Variants in NRXN1 observed in about 807,000 individuals in gnomAD.
The protein encoded by NRXN1 is neurexin-1.
NRXN1 carries 39 observed loss-of-function variants against 150.9 expected under a neutral mutation model. The ratio of observed to expected loss-of-function variants is 0.26; its 90% CI spans 0.20 to 0.34. The LOEUF is 0.34. Ranked by LOEUF, NRXN1 falls within the 10% of genes least tolerant of loss-of-function variation. The pLI is 1.00. For synonymous variants in NRXN1, 924 were observed against 757.0 expected (o/e 1.22, Z -3.62); for missense variants, 1,815 against 1,949.9 (o/e 0.93, Z 1.30).
chr2:50,501,346 T>A (rs1024099881), intron 13 of NRXN1, among the ~76,000 whole-genome samples: 1 of 151,058 alleles, frequency 6.6e-6, no homozygotes, highest in Non-Finnish European at 1.5e-5. Flanking sequence ...CATTCAGAGC[T>A]AAGGAGGATT....
intron 17 of NRXN1, among the ~76,000 whole-genome samples, chr2:50,440,482 G>A (rs1309219789): frequency 2.6e-5 from 4 of 151,826 alleles, no homozygotes; most frequent in East Asian, 1.9e-4. Context: ...AAGTCAAGAT[G>A]AATAATAAAT....
intron 5 of NRXN1, among the ~76,000 whole-genome samples, chr2:50,805,070 T>C (rs936250176): frequency 1.3e-5 from 2 of 152,194 alleles, no homozygotes; most frequent in Non-Finnish European, 2.9e-5. Context: ...CAGCACTTAC[T>C]GTGGGAATTA....
chr2:50,370,104 C>A (rs984039789), intron 17 of NRXN1, among the ~76,000 whole-genome samples: 2 of 152,004 alleles, frequency 1.3e-5, no homozygotes, highest in Non-Finnish European at 2.9e-5. Context: ...GTTTTCTCTG[C>A]AATTTTGTTG....
intron 5 of NRXN1, among the ~76,000 whole-genome samples, chr2:50,844,066 G>C (rs1245190581): frequency 6.6e-6 from 1 of 152,150 alleles, no homozygotes; most frequent in Non-Finnish European, 1.5e-5. Context: ...ACGCTCACCT[G>C]TCCAAACCCA....
At chr2:50,310,251 T>C (rs1014395847) in intron 17 of NRXN1, among the ~76,000 whole-genome samples, 2 of 152,200 alleles carry the variant, frequency 1.3e-5, no homozygotes, top group East Asian at 3.8e-4. Context: ...ATAAGTTAAC[T>C]GACCACTTGG....
Position 50,236,966 on chromosome 2 carries a change from C to G in NRXN1, c.3369G>C (p.Gly1123=). Residue 1123 remains glycine (G), a synonymous_variant, in exon 18 of 23, where the codon GGG becomes GGC. Coordinates refer to ENST00000401669, the MANE Select transcript of NRXN1 (RefSeq NM_001330078.2). The stretch of plus-strand genomic sequence containing the variant: ...CACCTTTGCTAAAGATATATGTCGT[C>G]CCAGCTGGAAAACAAAAACCAAAAC... ...SFSGPLCNDP[G]TTYIFSKGGG... 6.2e-7 allele frequency: 1 copy of G among 1,612,920 alleles called. No homozygotes were observed. The highest frequency in any genetic ancestry group is 8.5e-7 in the Non-Finnish European group (1 of 1,179,364).
rs530264132 is a variant in NRXN1, at chr2:50,943,871, T to A, written c.773-17916A>T. 2.6e-5 allele frequency among the ~76,000 whole-genome samples: 4 copies of A among 152,328 alleles called. No individual in the cohort carries two copies. The South Asian group carries it at 8.3e-4, about 32-fold the overall frequency. On this transcript the variant is annotated intron_variant, in intron 2 of 22. Transcript: ENST00000401669. Reference sequence around the variant, plus strand: ...GAGAGAAAATAATTTACTATAATTGTATTTCCTCATCCTAAGCAACTCCTT... The same window carrying A: ...GAGAGAAAATAATTTACTATAATTGAATTTCCTCATCCTAAGCAACTCCTT...
At chr2:50,758,880 C>G (rs950911318) in intron 5 of NRXN1, among the ~76,000 whole-genome samples, 7 of 151,922 alleles carry the variant, frequency 4.6e-5, no homozygotes, top group African/African-American at 1.4e-4. Context: ...CACGAGGATT[C>G]TTTCCAAGGC....
intron 5 of NRXN1, among the ~76,000 whole-genome samples, chr2:50,845,267 A>T (rs1469951761): frequency 1.3e-5 from 2 of 152,120 alleles, no homozygotes; most frequent in Admixed American, 6.6e-5. Context: ...AAGCCACAAA[A>T]CCATTATGAT....
At chr2:50,618,710 C>G (rs1431399495) in intron 8 of NRXN1, among the ~76,000 whole-genome samples, 1 of 151,138 alleles carries the variant, frequency 6.6e-6, no homozygotes, top group Non-Finnish European at 1.5e-5. Context: ...TGTGAGGATT[C>G]CTGTAAAGCT....
chr2:51,029,415 T>C (rs1407721133), intron 1 of NRXN1, among the ~76,000 whole-genome samples: 7 of 152,234 alleles, frequency 4.6e-5, no homozygotes, highest in Non-Finnish European at 8.8e-5. Context: ...TTGTAGTTTA[T>C]TATAACTGTT....
intron 5 of NRXN1, among the ~76,000 whole-genome samples, chr2:50,691,568 G>T (rs538135461): frequency 6.6e-6 from 1 of 152,282 alleles, no homozygotes; most frequent in East Asian, 1.9e-4. Flanking sequence ...CCATTGCAAA[G>T]ATTTGTAATG....
chr2:50,071,498 C>G (rs1278867215), intron 19 of NRXN1, among the ~76,000 whole-genome samples: 2 of 152,100 alleles, frequency 1.3e-5, no homozygotes, highest in African/African-American at 4.8e-5. Context: ...CAAAGAGACA[C>G]AAGGGATGCA....
intron 8 of NRXN1, among the ~76,000 whole-genome samples, chr2:50,599,914 G>A (rs1675962925): frequency 6.6e-6 from 1 of 152,106 alleles, no homozygotes; most frequent in South Asian, 2.1e-4. Flanking sequence ...TAACCTAATT[G>A]AAGGAAAGCA....
intron 2 of NRXN1, among the ~76,000 whole-genome samples, chr2:51,002,305 TA>T (rs2105101562): frequency 6.6e-6 from 1 of 151,994 alleles, no homozygotes; most frequent in East Asian, 2.0e-4. Flanking sequence ...CACAATACAC[TA>T]AAAACTACTT....
Position 49,918,784 on chromosome 2 carries a change from T to A in NRXN1, c.*3160A>T, listed in dbSNP as rs1241449081. Reference sequence around the variant, plus strand: ...CTATAATATAAGGATGGGTCTTCCCTTCAAATGCAGCCTTCTTTACTTTCC... The same window carrying A: ...CTATAATATAAGGATGGGTCTTCCCATCAAATGCAGCCTTCTTTACTTTCC... On this transcript the variant is annotated 3_prime_UTR_variant, in exon 23 of 23. Transcript: ENST00000401669. The A allele has an allele frequency of 6.6e-6, 1 of 152,258 alleles. No homozygotes were observed. Among genetic ancestry groups the A allele is most frequent in the South Asian group, 2.1e-4 (1 of 4,828 alleles). The allele number at this position is 152,258 out of a possible 1,614,324, so 9.4% of individuals were successfully genotyped here.
chr2:50,486,176 T>C (rs2090859658), intron 15 of NRXN1, among the ~76,000 whole-genome samples: 1 of 152,186 alleles, frequency 6.6e-6, no homozygotes, highest in Non-Finnish European at 1.5e-5. Flanking sequence ...TAGGACATCA[T>C]ACTTATTTAA....
At chr2:50,769,852 G>C (rs967913782) in intron 5 of NRXN1, among the ~76,000 whole-genome samples, 1 of 151,996 alleles carries the variant, frequency 6.6e-6, no homozygotes, top group Non-Finnish European at 1.5e-5. Flanking sequence ...ACAAAATAAA[G>C]AAAAATTCGT....
chr2:50,163,369 G>A (rs928156252), intron 18 of NRXN1, among the ~76,000 whole-genome samples: 1 of 151,850 alleles, frequency 6.6e-6, no homozygotes, highest in Admixed American at 6.6e-5. Context: ...AATTACCCGC[G>A]CAAAACAACT....
Sources: gnomAD v4.1 joint callset for allele counts (sites outside exome capture counted in the v4.1 genomes callset) on GRCh38, gnomAD v4.1.1 for gene constraint, MANE v1.5 for transcripts, NCBI Gene and HGNC (gene_info 2026-07-23, HGNC 2026-07-21) for gene names.